Variants in MRPL34 observed in about 807,000 individuals in gnomAD.
MRPL34 encodes large ribosomal subunit protein bL34m.
MRPL34 carries 8 observed loss-of-function variants against 6.7 expected under a neutral mutation model. The ratio of observed to expected loss-of-function variants is 1.20; its 90% CI spans 0.70 to 2.16. MRPL34 has a LOEUF of 2.16. Among genes scored for constraint, MRPL34 ranks in the 30% most tolerant of loss-of-function variants. MRPL34 has a pLI of 0.00. For synonymous variants in MRPL34, 59 were observed against 55.1 expected (o/e 1.07, Z -0.31); for missense variants, 146 against 125.5 (o/e 1.16, Z -0.78).
chr19:17,305,836 G>A, upstream of MRPL34: 1 of 1,531,626 alleles, frequency 6.5e-7, no homozygotes, highest in Non-Finnish European at 9.0e-7. Context: ...TCCAGGGCTG[G>A]AGCGGCTCTG....
upstream of MRPL34, chr19:17,301,240 C>A (rs373958722): frequency 4.5e-5 from 71 of 1,593,246 alleles, no homozygotes; most frequent in African/African-American, 7.7e-4. Context: ...GCCATCGCTG[C>A]CCGCCGGATC....
At chr19:17,306,031 GC>G in intron 1 of MRPL34, 74 bp downstream of exon 1, 1 of 1,578,320 alleles carries the variant, frequency 6.3e-7, no homozygotes, top group Non-Finnish European at 8.7e-7. Context: ...ACTCTTCACT[GC>G]CCGCGTGACC....
upstream of MRPL34, chr19:17,301,454 C>T: frequency 1.2e-6 from 2 of 1,611,584 alleles, no homozygotes; most frequent in Non-Finnish European, 1.7e-6. Context: ...GGTGGGGCAG[C>T]GGCTGGGGCG....
chr19:17,294,630 G>A (rs1451251467), intron 1 of MRPL34: 3 of 1,608,858 alleles, frequency 1.9e-6, no homozygotes, highest in Non-Finnish European at 1.7e-6. Context: ...AGATGCCTGG[G>A]TTCGCCAGGG....
rs1568350434 is a variant in MRPL34, at chr19:17,305,955, C to A, written c.63C>A (p.Gly21=). ...PTSRSAALLG[G]RWLQPRAWLG... ...GTAGGTCGGCAGCGTTGCTGGGTGG[C>A]AGGTAAGTCCTCAGGGGGACCCTTC... Residue 21 remains glycine (G), a splice_region_variant and synonymous_variant, in exon 1 of 2, where the codon GGC becomes GGA. Transcript: ENST00000252602. The A allele has an allele frequency of 6.2e-7, 1 of 1,614,100 alleles. No individual in the cohort carries two copies. Among genetic ancestry groups the A allele is most frequent in the African/African-American group, 1.3e-5 (1 of 75,062 alleles).
At chr19:17,295,408 GGTTT>G (rs1482024202) in intron 1 of MRPL34, among the ~76,000 whole-genome samples, 1 of 151,010 alleles carries the variant, frequency 6.6e-6, no homozygotes, top group East Asian at 2.0e-4. Context: ...CGCCTGGCCT[GGTTT>G]GTTTTTGTTT....
upstream of MRPL34, chr19:17,301,397 C>G (rs749014928): frequency 1.2e-6 from 2 of 1,611,898 alleles, no homozygotes; most frequent in South Asian, 1.1e-5. Flanking sequence ...CGGACCAAGC[C>G]GGAGAGGTCC....
rs1034736706 is a variant in MRPL34, at chr19:17,306,510, T to G, written c.*131T>G. Reference sequence around the variant, plus strand: ...CTGAGTGCTCTCCATATTGTGGGGTTGAAGTCTGGATGGGAGCTTGCCAAG... The same window carrying G: ...CTGAGTGCTCTCCATATTGTGGGGTGGAAGTCTGGATGGGAGCTTGCCAAG... On this transcript the variant is annotated 3_prime_UTR_variant, in exon 2 of 2. Transcript: ENST00000252602. 3 of 841,486 alleles carry G rather than the reference T, an allele frequency of 3.6e-6. No homozygotes were observed. Among genetic ancestry groups the G allele is most frequent in the Non-Finnish European group, 5.4e-6 (3 of 560,276 alleles). 52.1% of individuals were successfully genotyped at this position (841,486 alleles called of 1,614,324 possible).
At chr19:17,294,190 G>A in intron 1 of MRPL34, 1 of 1,410,968 alleles carries the variant, frequency 7.1e-7, no homozygotes, top group South Asian at 1.4e-5. Flanking sequence ...AAGAAAGCAC[G>A]CCCACCAAGC....
chr19:17,305,805 A>T, upstream of MRPL34: 1 of 1,367,504 alleles, frequency 7.3e-7, no homozygotes, highest in Non-Finnish European at 1.0e-6. Context: ...AGGAGAAACT[A>T]CATTTCCCAT....
chr19:17,294,382 T>G, intron 1 of MRPL34: 2 of 1,613,978 alleles, frequency 1.2e-6, no homozygotes, highest in Non-Finnish European at 1.7e-6. Flanking sequence ...GTGGTAGACC[T>G]CGTCGCCCTC....
At chr19:17,295,069 G>A (rs1022006230) in intron 1 of MRPL34, among the ~76,000 whole-genome samples, 15 of 144,236 alleles carry the variant, frequency 1.0e-4, no homozygotes, top group Non-Finnish European at 1.5e-4. Flanking sequence ...GATTGCAGGC[G>A]CACACCACCA....
upstream of MRPL34, among the ~76,000 whole-genome samples, chr19:17,299,893 C>G (rs756511827): frequency 6.8e-6 from 1 of 146,288 alleles, no homozygotes; most frequent in South Asian, 2.3e-4. Flanking sequence ...CACCACCGCG[C>G]GTGGTGGCCC....
exon 1 of MRPL34, chr19:17,292,693 G>C (rs761901546): frequency 6.2e-7 from 1 of 1,612,402 alleles, no homozygotes; most frequent in East Asian, 2.2e-5. Flanking sequence ...GCCGGCAGTG[G>C]CTCCGGTAGA....
chr19:17,300,115 AG>A (rs553132838), upstream of MRPL34, among the ~76,000 whole-genome samples: 241 of 151,526 alleles, frequency 1.6e-3, no homozygotes, highest in African/African-American at 5.7e-3. Context: ...CGTGTTAGCC[AG>A]GATGGTCTCA....
rs1272274426 is a variant in MRPL34 at position 17,293,689 on chromosome 19, TG to T, written c.214+836del. 4.9e-3 allele frequency among the ~76,000 whole-genome samples: 290 copies of T among 59,064 alleles called. 1 individual carries two copies. Among genetic ancestry groups the T allele is most frequent in the African/African-American group, 0.018 (249 of 13,782 alleles). 38.7% of individuals were successfully genotyped at this position (59,064 alleles called of 152,430 possible). A position where few individuals can be genotyped will look rare whatever the true frequency, so the allele number is the denominator to read the frequency against. On this transcript the variant is annotated intron_variant, in intron 1 of 2. Coordinates refer to the MRPL34 transcript ENST00000595444. ...AGTCCAGTTATACTTTAATGGTTTTTGTTTTTTTTTTTTTTTCTTTAAGAAA... is the reference window on the plus strand; with the variant it reads ...AGTCCAGTTATACTTTAATGGTTTTTTTTTTTTTTTTTTTTCTTTAAGAAA...
chr19:17,297,588 C>T (rs2074098549), intron 1 of MRPL34, among the ~76,000 whole-genome samples: 1 of 152,066 alleles, frequency 6.6e-6, no homozygotes, highest in African/African-American at 2.4e-5. Context: ...ACCACTGTGC[C>T]CAGCAGGTGG....
At chr19:17,305,762 G>C, upstream of MRPL34, 1 of 931,904 alleles carries the variant, frequency 1.1e-6, no homozygotes. Context: ...TACAACTTCA[G>C]GGTTTTCCCC....
At chr19:17,302,327 TCATTCAGGTATACACTAACTCATC>T (rs879403966), upstream of MRPL34, 4,521 of 152,296 alleles carry the variant, frequency 0.03, 93 homozygotes, top group South Asian at 0.053. Flanking sequence ...CCTAACTCAT[TCATTCAGGTATACACTAACTCATC>T]CATTCAGGTA....
Sources: gnomAD v4.1 joint callset for allele counts (sites outside exome capture counted in the v4.1 genomes callset) on GRCh38, gnomAD v4.1.1 for gene constraint, MANE v1.5 for transcripts, NCBI Gene and HGNC (gene_info 2026-07-23, HGNC 2026-07-21) for gene names.